Variants in PIK3C2G observed in about 807,000 individuals in gnomAD.
The protein encoded by PIK3C2G is phosphatidylinositol-4-phosphate 3-kinase catalytic subunit type 2 gamma, also known as phosphatidylinositol 3-kinase C2 domain-containing subunit gamma.
In PIK3C2G, 168 loss-of-function variants were observed where a neutral mutation model predicts 181.1. The ratio of observed to expected loss-of-function variants is 0.93; its 90% confidence interval spans 0.82 to 1.05. The LOEUF is 1.05. Among genes scored for constraint, PIK3C2G ranks in the 50% least tolerant of loss-of-function variants. PIK3C2G has a pLI of 0.00. For synonymous variants in PIK3C2G, 573 were observed against 592.2 expected (o/e 0.97, Z 0.47); for missense variants, 1,869 against 1,732.8 (o/e 1.08, Z -1.40).
chr12:18,685,501 C>T, the PIK3C2G span: 6 of 226,882 alleles, frequency 2.6e-5, no homozygotes, highest in Non-Finnish European at 5.8e-5. Context: ...TTTCCAGAAG[C>T]ACTGATGAAT....
intron 5 of PIK3C2G, among the ~76,000 whole-genome samples, chr12:18,299,586 A>C (rs1395142354): frequency 6.6e-6 from 1 of 151,924 alleles, no homozygotes; most frequent in East Asian, 1.9e-4. Context: ...ATGCTGAATA[A>C]GAGTGCTAAA....
Position 18,362,669 on chromosome 12 carries a change from T to A in PIK3C2G, c.1626-95T>A, listed in dbSNP as rs574287665. ...CTTTATGCAAGCAGTCATCACTTTA[T>A]CATTTGACTTTTGACTACAAAAATA... On this transcript the variant is annotated intron_variant, in intron 11 of 32. Transcript: ENST00000538779. The A allele has an allele frequency of 5.8e-5, 50 of 858,344 alleles. No homozygotes were observed. The African/African-American group carries it at 8.2e-4, about 14-fold the overall frequency. The allele number at this position is 858,344 out of a possible 1,614,324, so 53.2% of individuals were successfully genotyped here. A position where few individuals can be genotyped will look rare whatever the true frequency, so the allele number is the denominator to read the frequency against.
the PIK3C2G span, among the ~76,000 whole-genome samples, chr12:18,710,079 A>G: frequency 6.6e-6 from 1 of 151,192 alleles, no homozygotes; most frequent in Non-Finnish European, 1.5e-5. Flanking sequence ...GCTTTTTTAC[A>G]TACAGGATTA....
intron 13 of PIK3C2G, 29 bp downstream of exon 13, chr12:18,371,340 C>T (rs772110433): frequency 5.2e-5 from 80 of 1,552,312 alleles, no homozygotes; most frequent in Non-Finnish European, 7.0e-5. Context: ...AGTAATAAGC[C>T]TATCATTTCA....
At chr12:18,519,520 C>T (rs2136174833) in intron 24 of PIK3C2G, among the ~76,000 whole-genome samples, 1 of 152,224 alleles carries the variant, frequency 6.6e-6, no homozygotes, top group Non-Finnish European at 1.5e-5. Flanking sequence ...TCCGTTTTGT[C>T]AGAGACTAGG....
At chr12:18,676,344 A>G in the PIK3C2G span, among the ~76,000 whole-genome samples, 1 of 152,036 alleles carries the variant, frequency 6.6e-6, no homozygotes, top group South Asian at 2.1e-4. Context: ...TTTGTAACTG[A>G]AAGAATCTAA....
At chr12:18,615,049 AT>A (rs1229594220) in intron 31 of PIK3C2G, among the ~76,000 whole-genome samples, 1 of 151,730 alleles carries the variant, frequency 6.6e-6, no homozygotes, top group Non-Finnish European at 1.5e-5. Context: ...GATTTCTGAG[AT>A]TTTGGTGCAA....
the PIK3C2G span, among the ~76,000 whole-genome samples, chr12:18,655,696 G>A: frequency 1.3e-5 from 2 of 151,668 alleles, no homozygotes; most frequent in African/African-American, 4.9e-5. Flanking sequence ...GATGAAAGTG[G>A]CACTTTACCT....
the PIK3C2G span, among the ~76,000 whole-genome samples, chr12:18,672,398 A>C: frequency 6.6e-6 from 1 of 152,158 alleles, no homozygotes; most frequent in African/African-American, 2.4e-5. Context: ...TGCTCATTTA[A>C]TGTGTGATCT....
chr12:18,419,208 T>G (rs1272604631), intron 16 of PIK3C2G, among the ~76,000 whole-genome samples: 1 of 152,162 alleles, frequency 6.6e-6, no homozygotes, highest in Non-Finnish European at 1.5e-5. Flanking sequence ...AAACACATAG[T>G]TAAAGATATA....
intron 31 of PIK3C2G, among the ~76,000 whole-genome samples, chr12:18,634,236 A>C (rs1358133117): frequency 6.6e-6 from 1 of 152,132 alleles, no homozygotes; most frequent in Non-Finnish European, 1.5e-5. Flanking sequence ...GAGTCCCATA[A>C]TCATAAACAA....
intron 24 of PIK3C2G, among the ~76,000 whole-genome samples, chr12:18,522,274 C>T (rs761842476): frequency 3.0e-4 from 46 of 152,206 alleles, no homozygotes; most frequent in Non-Finnish European, 5.9e-5. Flanking sequence ...TCTAAAACTG[C>T]TTTACACACC....
intron 31 of PIK3C2G, among the ~76,000 whole-genome samples, chr12:18,617,625 G>T (rs1339001017): frequency 6.6e-6 from 1 of 151,958 alleles, no homozygotes; most frequent in Admixed American, 6.6e-5. Flanking sequence ...CTATTTTTCT[G>T]CTATGTACCT....
At chr12:18,636,223 T>C (rs958402397) in intron 31 of PIK3C2G, among the ~76,000 whole-genome samples, 1 of 152,148 alleles carries the variant, frequency 6.6e-6, no homozygotes, top group Non-Finnish European at 1.5e-5. Context: ...TGGTGGTCTT[T>C]GTTTTTGTTT....
the PIK3C2G span, among the ~76,000 whole-genome samples, chr12:18,712,563 A>G: frequency 6.6e-6 from 1 of 152,142 alleles, no homozygotes; most frequent in Admixed American, 6.6e-5. Flanking sequence ...CCTGGCCATC[A>G]TCCACAATAA....
At chr12:18,471,671 A>G (rs1481513206) in intron 18 of PIK3C2G, among the ~76,000 whole-genome samples, 3 of 152,138 alleles carry the variant, frequency 2.0e-5, no homozygotes, top group Non-Finnish European at 4.4e-5. Context: ...ACTTTCTACA[A>G]TTATTCTGAA....
At chr12:18,447,792 G>T (rs755780224) in intron 18 of PIK3C2G, among the ~76,000 whole-genome samples, 1 of 152,164 alleles carries the variant, frequency 6.6e-6, no homozygotes, top group Non-Finnish European at 1.5e-5. Context: ...AGGTGCAACA[G>T]CTTCCACTAG....
chr12:18,475,785 G>T (rs143069868), intron 18 of PIK3C2G, among the ~76,000 whole-genome samples: 8 of 151,892 alleles, frequency 5.3e-5, no homozygotes, highest in Admixed American at 2.6e-4. Flanking sequence ...ACTCTTAGGC[G>T]ACTAAAGGAA....
intron 18 of PIK3C2G, among the ~76,000 whole-genome samples, chr12:18,459,321 C>T (rs1007405671): frequency 6.6e-6 from 1 of 152,110 alleles, no homozygotes; most frequent in Non-Finnish European, 1.5e-5. Context: ...TGTTTTTAGC[C>T]ATTTAACCTA....
Sources: gnomAD v4.1 joint callset for allele counts (sites outside exome capture counted in the v4.1 genomes callset) on GRCh38, gnomAD v4.1.1 for gene constraint, MANE v1.5 for transcripts, NCBI Gene and HGNC (gene_info 2026-07-23, HGNC 2026-07-21) for gene names.